Variants in CASR observed in about 807,000 individuals in gnomAD.
The protein encoded by CASR is extracellular calcium-sensing receptor.
CASR carries 23 observed loss-of-function variants against 69.1 expected under a neutral mutation model. That is an observed-to-expected ratio of 0.33 (90% CI 0.24 to 0.47). CASR has a LOEUF of 0.47. Among genes scored for constraint, CASR ranks in the 20% least tolerant of loss-of-function variants. The probability of loss-of-function intolerance (pLI) is 1.00; values close to 1 mark genes in which losing one functional copy is unlikely to be tolerated. For missense variants in CASR, 924 were observed against 1,356.1 expected (o/e 0.68, Z 5.00); for synonymous variants, 541 against 544.7 (o/e 0.99, Z 0.10).
intron 1 of CASR, among the ~76,000 whole-genome samples, chr3:122,239,368 C>T (rs1056187342): frequency 2.6e-5 from 4 of 152,202 alleles, no homozygotes; most frequent in Non-Finnish European, 5.9e-5. Flanking sequence ...AGGACTTTGT[C>T]TTGTGGTTTA....
intron 1 of CASR, among the ~76,000 whole-genome samples, chr3:122,245,874 T>C (rs886980913): frequency 6.6e-6 from 1 of 152,246 alleles, no homozygotes; most frequent in African/African-American, 2.4e-5. Flanking sequence ...ATAGATTCTG[T>C]GCTGTAATTG....
chr3:122,271,227 T>C (rs1222215419), intron 4 of CASR, among the ~76,000 whole-genome samples: 1 of 152,216 alleles, frequency 6.6e-6, no homozygotes, highest in African/African-American at 2.4e-5. Context: ...AAGACAAGGT[T>C]TGAGTATCCA....
intron 1 of CASR, among the ~76,000 whole-genome samples, chr3:122,238,144 G>A (rs989669359): frequency 6.6e-6 from 1 of 152,166 alleles, no homozygotes; most frequent in Non-Finnish European, 1.5e-5. Context: ...TGCTCAAAGA[G>A]GCACTGAGGA....
chr3:122,217,205 A>C (rs1355438131), intron 1 of CASR, among the ~76,000 whole-genome samples: 1 of 151,930 alleles, frequency 6.6e-6, no homozygotes, highest in Non-Finnish European at 1.5e-5. Flanking sequence ...TCCCGGGCTC[A>C]AGCCATCTTC....
intron 1 of CASR, among the ~76,000 whole-genome samples, chr3:122,237,170 TG>T (rs1488738472): frequency 6.7e-6 from 1 of 149,754 alleles, no homozygotes; most frequent in Non-Finnish European, 1.5e-5. Context: ...AGTGCAGTGG[TG>T]TGATCTTGGC....
intron 1 of CASR, among the ~76,000 whole-genome samples, chr3:122,245,148 T>C (rs1024739403): frequency 6.6e-6 from 1 of 152,232 alleles, no homozygotes; most frequent in African/African-American, 2.4e-5. Flanking sequence ...ATATTTTAAA[T>C]TATCTCTAGA....
At chr3:122,258,228 G>A (rs1356584848) in intron 3 of CASR, among the ~76,000 whole-genome samples, 1 of 152,160 alleles carries the variant, frequency 6.6e-6, no homozygotes, top group African/African-American at 2.4e-5. Flanking sequence ...CAGCTCAATT[G>A]TGATGCATCC....
chr3:122,250,156 C>A (rs34585885), intron 1 of CASR, among the ~76,000 whole-genome samples: 104 of 151,902 alleles, frequency 6.8e-4, no homozygotes, highest in African/African-American at 2.4e-3. Context: ...TAGGAGAAGG[C>A]AGAGTGGGAA....
intron 1 of CASR, among the ~76,000 whole-genome samples, chr3:122,222,889 A>C (rs896110974): frequency 1.3e-5 from 2 of 152,200 alleles, no homozygotes; most frequent in East Asian, 3.8e-4. Flanking sequence ...ACAGAGCAAT[A>C]AAAATAGAAA....
Position 122,261,791 on chromosome 3 carries a change from C to T in CASR, c.756C>T (p.Ile252=), listed in dbSNP as rs201948422. 1.2e-6 allele frequency: 2 copies of T among 1,614,224 alleles called. No individual in the cohort carries two copies. The highest frequency in any genetic ancestry group is 1.7e-5 in the Admixed American group (1 of 60,018). The change falls in exon 4 of 7, where the codon ATC becomes ATT. Residue 252 remains isoleucine (I), a synonymous_variant. Transcript: ENST00000639785. ...CCCAGTACTCTGATGAGGAAGAGAT[C>T]CAGCATGTGGTAGAGGTGATTCAAA... ...LISQYSDEEE[I]QHVVEVIQNS...
intron 5 of CASR, among the ~76,000 whole-genome samples, chr3:122,279,274 T>A (rs965928545): frequency 6.6e-6 from 1 of 152,180 alleles, no homozygotes; most frequent in Non-Finnish European, 1.5e-5. Flanking sequence ...AGAAATACAG[T>A]TCAGTCTTGT....
intron 1 of CASR, among the ~76,000 whole-genome samples, chr3:122,250,215 A>ACT (rs1410014872): frequency 6.6e-6 from 1 of 152,122 alleles, no homozygotes; most frequent in Non-Finnish European, 1.5e-5. Context: ...GAGGACAGGG[A>ACT]GATGGAGGAT....
intron 1 of CASR, among the ~76,000 whole-genome samples, chr3:122,253,610 G>A (rs2074521389): frequency 3.3e-5 from 5 of 152,128 alleles, no homozygotes; most frequent in Admixed American, 3.3e-4. Flanking sequence ...ATAACAAAAG[G>A]AGCTTCTGCT....
At chr3:122,205,858 C>T (rs932615792) in intron 1 of CASR, among the ~76,000 whole-genome samples, 2 of 151,478 alleles carry the variant, frequency 1.3e-5, no homozygotes, top group African/African-American at 4.8e-5. Context: ...TTTATGATTT[C>T]TTTTTCAGAT....
At chr3:122,188,570 C>A (rs2073809502) in intron 1 of CASR, among the ~76,000 whole-genome samples, 1 of 152,200 alleles carries the variant, frequency 6.6e-6, no homozygotes, top group African/African-American at 2.4e-5. Context: ...AAAATAGGAT[C>A]AGTTAATCCA....
chr3:122,218,619 G>C (rs1166097863), intron 1 of CASR, among the ~76,000 whole-genome samples: 1 of 151,088 alleles, frequency 6.6e-6, no homozygotes, highest in East Asian at 1.9e-4. Context: ...GGAGGTAGAA[G>C]AAGAAGAAGA....
chr3:122,243,190 A>T (rs1030123642), intron 1 of CASR, among the ~76,000 whole-genome samples: 4 of 152,152 alleles, frequency 2.6e-5, no homozygotes, highest in Non-Finnish European at 5.9e-5. Flanking sequence ...ACATCCAGTT[A>T]AAAACCTTCT....
intron 1 of CASR, chr3:122,246,592 C>A (rs1255171653): frequency 6.6e-6 from 1 of 152,182 alleles, no homozygotes; most frequent in African/African-American, 2.4e-5. Flanking sequence ...AGAAAGATGT[C>A]CCCACGATGT....
chr3:122,185,456 A>G (rs530987827), intron 1 of CASR, among the ~76,000 whole-genome samples: 2 of 152,346 alleles, frequency 1.3e-5, no homozygotes, highest in East Asian at 1.9e-4. Context: ...ACTTGCTTCA[A>G]TTATCCCAGA....
Sources: gnomAD v4.1 joint callset for allele counts (sites outside exome capture counted in the v4.1 genomes callset) on GRCh38, gnomAD v4.1.1 for gene constraint, MANE v1.5 for transcripts, NCBI Gene and HGNC (gene_info 2026-07-23, HGNC 2026-07-21) for gene names.